LRP6: variants seen among roughly 807,000 people sequenced by gnomAD.
LRP6 encodes the protein low-density lipoprotein receptor-related protein 6.
Under a neutral mutation model 184.1 loss-of-function variants are expected in LRP6, and 43 were observed. The ratio of observed to expected loss-of-function variants is 0.23; its 90% CI spans 0.18 to 0.30. The LOEUF is 0.30. Ranked by LOEUF, LRP6 falls within the 10% of genes least tolerant of loss-of-function variation. The pLI is 1.00. For missense variants in LRP6, 1,571 were observed against 2,005.3 expected, an observed-to-expected ratio of 0.78 and a Z score of 4.14; for synonymous variants, 719 against 684.9, an observed-to-expected ratio of 1.05 and a Z score of -0.78.
At chr12:12,172,173 T>C (rs908007160) in intron 7 of LRP6, among the ~76,000 whole-genome samples, 3 of 152,220 alleles carry the variant, frequency 2.0e-5, no homozygotes, top group Admixed American at 2.0e-4. Context: ...ACTTCTAAAA[T>C]CTAACTCCAA....
At chr12:12,135,443 T>A in intron 16 of LRP6, 143 bp from the exon 17 acceptor site, 1 of 454,820 alleles carries the variant, frequency 2.2e-6, no homozygotes, top group Non-Finnish European at 3.9e-6. Flanking sequence ...TTTTTTTACT[T>A]TTATTATTAT....
At chr12:12,173,152 C>G (rs1477941953) in intron 7 of LRP6, among the ~76,000 whole-genome samples, 2 of 152,116 alleles carry the variant, frequency 1.3e-5, no homozygotes, top group Non-Finnish European at 2.9e-5. Flanking sequence ...AAATTGAGAA[C>G]AGAGTTCCAG....
chr12:12,253,308 T>C (rs547805795), intron 1 of LRP6, among the ~76,000 whole-genome samples: 4 of 152,266 alleles, frequency 2.6e-5, no homozygotes, highest in African/African-American at 7.2e-5. Context: ...CTTATAGATA[T>C]GCTTTTGTCT....
chr12:12,116,246 A>G lies in LRP6; in HGVS notation c.*4880T>C, dbSNP rs1045266076. Reference sequence around the variant, plus strand: ...CATCCTTGCAAAGCACCATCGTACCAAAGTCAATGAACAAGAAACACCAGT... The same window carrying G: ...CATCCTTGCAAAGCACCATCGTACCGAAGTCAATGAACAAGAAACACCAGT... On this transcript the variant is annotated 3_prime_UTR_variant, in exon 23 of 23. Transcript: ENST00000261349. The G allele has an allele frequency of 1.3e-5, 2 of 152,234 alleles. No homozygotes were observed. The highest frequency in any genetic ancestry group is 4.8e-5 in the African/African-American group (2 of 41,454). 9.4% of individuals were successfully genotyped at this position (152,234 alleles called of 1,614,324 possible). A position where few individuals can be genotyped will look rare whatever the true frequency, so the allele number is the denominator to read the frequency against.
At chr12:12,184,901 G>A (rs1863432710) in intron 4 of LRP6, among the ~76,000 whole-genome samples, 1 of 152,096 alleles carries the variant, frequency 6.6e-6, no homozygotes, top group Non-Finnish European at 1.5e-5. Context: ...AACATAAGAT[G>A]GAGACCAATG....
chr12:12,203,265 C>T lies in LRP6; in HGVS notation c.585G>A (p.Lys195=). The change falls in exon 3 of 23, where the codon AAG becomes AAA. Residue 195 remains lysine, a synonymous_variant. Transcript: ENST00000261349. Reference sequence around the variant, plus strand: ...TAAGTTTTGCATCTGCCCAATAAAGCTTTTGTTCTTCATAATCCAAAGTCA... The same window carrying T: ...TAAGTTTTGCATCTGCCCAATAAAGTTTTTGTTCTTCATAATCCAAAGTCA... ...NGLTLDYEEQ[K]LYWADAKLNF... is the part of the protein sequence containing the mutation. 6.2e-7 allele frequency: 1 copy of T among 1,613,782 alleles called. No homozygotes were observed. The highest frequency in any genetic ancestry group is 8.5e-7 in the Non-Finnish European group (1 of 1,179,878).
At chr12:12,205,321 CAAA>C (rs1864024472) in intron 2 of LRP6, among the ~76,000 whole-genome samples, 1 of 17,928 alleles carries the variant, frequency 5.6e-5, no homozygotes, top group Non-Finnish European at 8.2e-5. Context: ...GACTCTGTCT[CAAA>C]CAAACAAAAA....
intron 12 of LRP6, among the ~76,000 whole-genome samples, chr12:12,151,365 G>A (rs568996476): frequency 6.6e-6 from 1 of 151,470 alleles, no homozygotes; most frequent in Non-Finnish European, 1.5e-5. Flanking sequence ...TCTACCAAGT[G>A]AATAACCCTT....
At chr12:12,257,780 A>AG (rs1491334571) in intron 1 of LRP6, among the ~76,000 whole-genome samples, 1 of 36,038 alleles carries the variant, frequency 2.8e-5, no homozygotes, top group Non-Finnish European at 5.5e-5. Flanking sequence ...CTGTCTCTAC[A>AG]AAAAAAAAAA....
chr12:12,195,543 C>G (rs558411433), intron 3 of LRP6, among the ~76,000 whole-genome samples: 1 of 151,926 alleles, frequency 6.6e-6, no homozygotes, highest in East Asian at 1.9e-4. Context: ...TTTAACCAAA[C>G]TGGTTTTTTG....
chr12:12,233,471 A>AAAAT (rs1224647188), intron 2 of LRP6, among the ~76,000 whole-genome samples: 1 of 152,180 alleles, frequency 6.6e-6, no homozygotes, highest in Non-Finnish European at 1.5e-5. Context: ...CCATCTCAAA[A>AAAAT]AAATAAATGA....
chr12:12,135,340 G>A, intron 16 of LRP6, 40 bp from the exon 17 acceptor site: 1 of 1,464,712 alleles, frequency 6.8e-7, no homozygotes, highest in Non-Finnish European at 9.6e-7. Context: ...AGGAGGGGGA[G>A]TGGAGGGGGA....
At chr12:12,265,408 C>G (rs1481983198) in intron 1 of LRP6, among the ~76,000 whole-genome samples, 1 of 151,982 alleles carries the variant, frequency 6.6e-6, no homozygotes, top group Non-Finnish European at 1.5e-5. Flanking sequence ...ATTTCTCCTC[C>G]TCCAAAAAAA....
chr12:12,188,757 T>C (rs1490588060), intron 3 of LRP6, among the ~76,000 whole-genome samples: 1 of 152,248 alleles, frequency 6.6e-6, no homozygotes, highest in Non-Finnish European at 1.5e-5. Context: ...CCTGAAGTGC[T>C]TTCTTCCACT....
At chr12:12,172,544 T>A (rs1591912727) in intron 7 of LRP6, among the ~76,000 whole-genome samples, 1 of 152,308 alleles carries the variant, frequency 6.6e-6, no homozygotes, top group East Asian at 1.9e-4. Context: ...GTGCTAGAGT[T>A]GGAATGCTAT....
chr12:12,250,136 T>A (rs1865291024), intron 1 of LRP6, among the ~76,000 whole-genome samples: 1 of 150,766 alleles, frequency 6.6e-6, no homozygotes, highest in African/African-American at 2.5e-5. Flanking sequence ...TTTCTACTTC[T>A]AATACTTTCA....
At chr12:12,178,014 GTGTC>G (rs1196769770) in intron 7 of LRP6, among the ~76,000 whole-genome samples, 1 of 152,080 alleles carries the variant, frequency 6.6e-6, no homozygotes, top group Non-Finnish European at 1.5e-5. Context: ...CTGTATGTAT[GTGTC>G]TGTATGTATA....
In LRP6 at chr12:12,117,669, T is replaced by C. The variant is rs913220000; in HGVS notation, c.*3457A>G. The C allele has an allele frequency of 6.6e-6, 1 of 152,228 alleles. No homozygotes were observed. Among genetic ancestry groups the C allele is most frequent in the Non-Finnish European group, 1.5e-5 (1 of 68,020 alleles). 9.4% of individuals were successfully genotyped at this position (152,228 alleles called of 1,614,324 possible). ...TTATGACTACTGGTATCAAGTCACA[T>C]AAATAAACACACTTCATTAACACAC... On this transcript the variant is annotated 3_prime_UTR_variant, in exon 23 of 23. Transcript: ENST00000261349.
intron 1 of LRP6, chr12:12,249,564 T>C: frequency 4.1e-6 from 2 of 484,776 alleles, no homozygotes; most frequent in East Asian, 3.3e-5. Flanking sequence ...ATATGTCTTG[T>C]AGACCTCAAA....
Sources: gnomAD v4.1 joint callset for allele counts (sites outside exome capture counted in the v4.1 genomes callset) on GRCh38, gnomAD v4.1.1 for gene constraint, MANE v1.5 for transcripts, NCBI Gene and HGNC (gene_info 2026-07-23, HGNC 2026-07-21) for gene names.